ST8SIA1: variants seen among roughly 807,000 people sequenced by gnomAD.
ST8SIA1 encodes the protein alpha-N-acetylneuraminide alpha-2,8-sialyltransferase.
ST8SIA1 carries 16 observed loss-of-function variants against 35.9 expected under a neutral mutation model. That is an observed-to-expected ratio of 0.45 (90% confidence interval 0.30 to 0.68). ST8SIA1 has a LOEUF of 0.68. Ranked by LOEUF, ST8SIA1 falls within the 30% of genes least tolerant of loss-of-function variation. ST8SIA1 has a pLI of 0.09. For synonymous variants in ST8SIA1, 170 were observed against 169.6 expected (o/e 1.00, Z -0.02); for missense variants, 383 against 453.6 (o/e 0.84, Z 1.41).
intron 2 of ST8SIA1, among the ~76,000 whole-genome samples, chr12:22,259,289 G>T (rs147314892): frequency 1.3e-5 from 2 of 151,486 alleles, no homozygotes; most frequent in Non-Finnish European, 2.9e-5. Context: ...AAAGTCCAGG[G>T]GTTTTTTTAA....
intron 4 of ST8SIA1, among the ~76,000 whole-genome samples, chr12:22,219,799 T>A (rs777085076): frequency 6.6e-6 from 1 of 152,162 alleles, no homozygotes; most frequent in Non-Finnish European, 1.5e-5. Context: ...TAAGACATCA[T>A]GCCAGGGTAT....
rs575598876 is a variant in ST8SIA1 at position 22,229,333 on chromosome 12, A to G, written c.584+19673T>C. ...ATGAGGATGTACAAGAATGACTTCA[A>G]TGGCTGAGCATGGTGGCTCATGCCT... On this transcript the variant is annotated intron_variant, in intron 4 of 4. Coordinates refer to ENST00000396037, the MANE Select transcript of ST8SIA1 (RefSeq NM_003034.4). Among the ~76,000 whole-genome samples the G allele has an allele frequency of 8.6e-5, 13 of 152,028 alleles. No individual in the cohort carries two copies. In the South Asian group the frequency reaches 1.7e-3, roughly 19 times the overall value.
rs1356851296 is a variant in ST8SIA1, at chr12:22,193,687, A to G, written c.*7865T>C. 1.1e-4 allele frequency: 17 copies of G among 152,190 alleles called. No homozygotes were observed. 9.4% of individuals were successfully genotyped at this position (152,190 alleles called of 1,614,324 possible). A position where few individuals can be genotyped will look rare whatever the true frequency, so the allele number is the denominator to read the frequency against. On this transcript the variant is annotated 3_prime_UTR_variant, in exon 5 of 5. Transcript: ENST00000396037. ...GCAACATTTTAGATGAAACTCTACA[A>G]AAAGAATTGAGCACACTGATTTTCT...
chr12:22,286,456 A>G (rs1866102301), intron 2 of ST8SIA1: 2 of 518,970 alleles, frequency 3.9e-6, no homozygotes, highest in Admixed American at 3.9e-5. Context: ...TGGGGAGGCC[A>G]TGATTCATTT....
At chr12:22,247,696 T>A (rs2120746060) in intron 4 of ST8SIA1, among the ~76,000 whole-genome samples, 1 of 152,204 alleles carries the variant, frequency 6.6e-6, no homozygotes, top group South Asian at 2.1e-4. Context: ...AGAAAGATTG[T>A]TTTTATAAAA....
At chr12:22,263,848 C>G (rs1056393398) in intron 2 of ST8SIA1, among the ~76,000 whole-genome samples, 3 of 152,154 alleles carry the variant, frequency 2.0e-5, no homozygotes, top group African/African-American at 7.2e-5. Flanking sequence ...GGTCTCAAAC[C>G]ATATTGGAAA....
At chr12:22,308,911 T>C (rs1866416555) in intron 1 of ST8SIA1, among the ~76,000 whole-genome samples, 2 of 152,122 alleles carry the variant, frequency 1.3e-5, no homozygotes, top group African/African-American at 2.4e-5. Context: ...CACCTAAATA[T>C]GATTGTCCCA....
intron 1 of ST8SIA1, among the ~76,000 whole-genome samples, chr12:22,321,416 C>T (rs1278103803): frequency 6.6e-6 from 1 of 152,178 alleles, no homozygotes. Context: ...ATGAATATTC[C>T]CCTCCTCCCT....
rs778252002 is a variant in ST8SIA1, at chr12:22,201,651, C to T, written c.972G>A (p.Met324Ile). ...ACCAGAGTTGGAGAAATTCCTCGGG[C>T]ATGGCATGGAAGCCAGAAAAGGGTA... is the stretch of plus-strand genomic sequence containing the variant. ...NVLPFSGFHAMPEEFLQLWYL... is the reference protein window; with the variant it reads ...NVLPFSGFHAIPEEFLQLWYL... Residue 324 changes from methionine to isoleucine, a missense_variant, in exon 5 of 5, where the codon ATG (methionine) becomes ATA (isoleucine). Transcript: ENST00000396037. The T allele has an allele frequency of 9.9e-6, 16 of 1,614,086 alleles. No individual in the cohort carries two copies. Among genetic ancestry groups the T allele is most frequent in the Non-Finnish European group, 1.2e-5 (14 of 1,179,976 alleles).
intron 2 of ST8SIA1, among the ~76,000 whole-genome samples, chr12:22,266,500 A>ATAT (rs1480972448): frequency 6.6e-4 from 94 of 142,508 alleles, no homozygotes; most frequent in African/African-American, 2.2e-3. Context: ...ATTTAAAAAA[A>ATAT]AAATATATAT....
chr12:22,211,885 AT>A (rs1865179654), intron 4 of ST8SIA1, among the ~76,000 whole-genome samples: 1 of 151,890 alleles, frequency 6.6e-6, no homozygotes, highest in African/African-American at 2.4e-5. Flanking sequence ...CTAATTTTGT[AT>A]TTTTAGTAGA....
chr12:22,247,476 TTC>T (rs767632928), intron 4 of ST8SIA1, among the ~76,000 whole-genome samples: 47 of 149,940 alleles, frequency 3.1e-4, no homozygotes, highest in Middle Eastern at 6.8e-3. Context: ...CTTGTAAGTG[TTC>T]TCTTATTTCT....
chr12:22,283,127 T>C (rs1866056908), intron 2 of ST8SIA1, among the ~76,000 whole-genome samples: 1 of 152,100 alleles, frequency 6.6e-6, no homozygotes, highest in East Asian at 1.9e-4. Flanking sequence ...ACAGCCAACC[T>C]AGGAAGCTGG....
chr12:22,312,929 T>C (rs1591853830), intron 1 of ST8SIA1, among the ~76,000 whole-genome samples: 2 of 152,180 alleles, frequency 1.3e-5, no homozygotes, highest in Non-Finnish European at 2.9e-5. Context: ...AACCCTTTGG[T>C]ATACAGAGAT....
At chr12:22,324,384 TCAC>T (rs1301076626) in intron 1 of ST8SIA1, 2 of 152,290 alleles carry the variant, frequency 1.3e-5, no homozygotes, top group African/African-American at 2.4e-5. Flanking sequence ...AAAAGGATGA[TCAC>T]CACATCTTTA....
chr12:22,218,321 CAAAA>C (rs912981698), intron 4 of ST8SIA1, among the ~76,000 whole-genome samples: 3 of 134,968 alleles, frequency 2.2e-5, no homozygotes, highest in African/African-American at 8.4e-5. Context: ...GAGACTCTCT[CAAAA>C]AAATAAAATA....
chr12:22,214,260 A>C (rs1004736114), intron 4 of ST8SIA1, among the ~76,000 whole-genome samples: 9 of 152,192 alleles, frequency 5.9e-5, no homozygotes, highest in Non-Finnish European at 1.0e-4. Context: ...ATGTTGAGGC[A>C]AGATCAATAA....
intron 4 of ST8SIA1, among the ~76,000 whole-genome samples, chr12:22,237,412 C>T (rs984601981): frequency 1.4e-4 from 22 of 152,018 alleles, no homozygotes; most frequent in African/African-American, 4.8e-4. Context: ...CCAAGGTCTG[C>T]TTTTTAAATA....
intron 4 of ST8SIA1, among the ~76,000 whole-genome samples, chr12:22,206,617 C>G (rs1323931236): frequency 2.0e-5 from 3 of 152,088 alleles, no homozygotes; most frequent in Non-Finnish European, 4.4e-5. Context: ...CACTGAGTAG[C>G]CCAAGGAGAA....
Sources: gnomAD v4.1 joint callset for allele counts (sites outside exome capture counted in the v4.1 genomes callset) on GRCh38, gnomAD v4.1.1 for gene constraint, MANE v1.5 for transcripts, NCBI Gene and HGNC (gene_info 2026-07-23, HGNC 2026-07-21) for gene names.